The following XPO4 variants were observed in gnomAD, a reference collection of about 807,000 sequenced individuals.
XPO4 encodes exportin 4.
In XPO4, 39 loss-of-function variants were observed where a neutral mutation model predicts 143.0. The ratio of observed to expected loss-of-function variants is 0.27; its 90% confidence interval spans 0.21 to 0.36. The LOEUF is 0.36. Among genes scored for constraint, XPO4 ranks in the 10% least tolerant of loss-of-function variants. The pLI is 1.00. For missense variants in XPO4, 907 were observed against 1,348.0 expected (o/e 0.67, Z 5.12); for synonymous variants, 439 against 474.0 (o/e 0.93, Z 0.96).
intron 1 of XPO4, among the ~76,000 whole-genome samples, chr13:20,896,594 T>C (rs2060571928): frequency 1.3e-5 from 2 of 152,210 alleles, no homozygotes; most frequent in South Asian, 4.1e-4. Flanking sequence ...TGGTCATCTT[T>C]CCAAAGAACT....
chr13:20,870,177 C>CA (rs1478906834), intron 1 of XPO4, among the ~76,000 whole-genome samples: 2 of 151,516 alleles, frequency 1.3e-5, no homozygotes, highest in Non-Finnish European at 2.9e-5. Context: ...CCTGTAATTC[C>CA]AGCACTTTGG....
chr13:20,859,925 A>C, intron 3 of XPO4: 10 of 872,996 alleles, frequency 1.1e-5, no homozygotes, highest in South Asian at 5.3e-5. Flanking sequence ...AGTGGTTCTC[A>C]GGTTGGGGAA....
At chr13:20,849,471 T>C (rs1481588626) in intron 4 of XPO4, 1 of 984,276 alleles carries the variant, frequency 1.0e-6, no homozygotes, top group Non-Finnish European at 1.2e-6. Context: ...CAGATTAAAA[T>C]TTTAGCTTAA....
chr13:20,870,435 TA>T (rs35577937), intron 1 of XPO4, among the ~76,000 whole-genome samples: 1,939 of 147,064 alleles, frequency 0.013, 48 homozygotes, highest in African/African-American at 0.046. Context: ...CCATCTCAAT[TA>T]AAAAAAAAAA....
chr13:20,822,334 G>C (rs760013514), intron 7 of XPO4, 45 bp from the exon 8 acceptor site: 7 of 1,561,406 alleles, frequency 4.5e-6, no homozygotes, highest in Non-Finnish European at 1.7e-6. Context: ...TTCTTCCTTT[G>C]TAAGGGTCAC....
rs2059108145 is a variant in XPO4, at chr13:20,778,717, GTCT to G, written c.*5002_*5004del. The G allele has an allele frequency of 6.6e-6, 1 of 152,188 alleles. No individual in the cohort carries two copies. Among genetic ancestry groups the G allele is most frequent in the Non-Finnish European group, 1.5e-5 (1 of 68,028 alleles). 9.4% of individuals were successfully genotyped at this position (152,188 alleles called of 1,614,324 possible). A position where few individuals can be genotyped will look rare whatever the true frequency, so the allele number is the denominator to read the frequency against. ...AATCTTGATTTTTATCTGTACAGATGTCTTCATTTTTTTAAATTTAAAATTATT... is the reference window on the plus strand; with the variant it reads ...AATCTTGATTTTTATCTGTACAGATGTCATTTTTTTAAATTTAAAATTATT... On this transcript the variant is annotated 3_prime_UTR_variant, in exon 23 of 23. Coordinates refer to ENST00000255305, the MANE Select transcript of XPO4 (RefSeq NM_022459.5).
intron 2 of XPO4, 31 bp from the exon 3 acceptor site, chr13:20,862,889 C>T: frequency 6.2e-7 from 1 of 1,609,056 alleles, no homozygotes; most frequent in Non-Finnish European, 8.5e-7. Context: ...TTTATTTAAA[C>T]AATAATTCAT....
At chr13:20,824,441 G>C (rs2059758809) in intron 7 of XPO4, among the ~76,000 whole-genome samples, 1 of 151,950 alleles carries the variant, frequency 6.6e-6, no homozygotes, top group South Asian at 2.1e-4. Flanking sequence ...GCAATCAGAA[G>C]AAAGAATACC....
Position 20,779,662 on chromosome 13 carries a change from G to A in XPO4, c.*4060C>T, listed in dbSNP as rs934390927. The A allele has an allele frequency of 3.3e-5, 5 of 152,630 alleles. No homozygotes were observed. The highest frequency in any genetic ancestry group is 3.3e-4 in the Admixed American group (5 of 15,276). 9.5% of individuals were successfully genotyped at this position (152,630 alleles called of 1,614,324 possible). Reference sequence around the variant, plus strand: ...ACTTCAGCATTCTCGTCTTTACTAAGACTTACCCATAGAGAACTACAGCAG... The same window carrying A: ...ACTTCAGCATTCTCGTCTTTACTAAAACTTACCCATAGAGAACTACAGCAG... On this transcript the variant is annotated 3_prime_UTR_variant, in exon 23 of 23. Transcript: ENST00000255305.
intron 1 of XPO4, among the ~76,000 whole-genome samples, chr13:20,887,722 G>A (rs190304018): frequency 3.9e-5 from 6 of 152,126 alleles, no homozygotes; most frequent in Admixed American, 2.0e-4. Context: ...TTAGCCTGGC[G>A]TGGTGGTGCA....
intron 4 of XPO4, chr13:20,852,242 G>A (rs1195939189): frequency 3.0e-5 from 30 of 985,310 alleles, no homozygotes; most frequent in Admixed American, 6.1e-5. Context: ...GTCACAAGGA[G>A]CTGGACTCCT....
intron 1 of XPO4, among the ~76,000 whole-genome samples, chr13:20,891,144 A>G (rs1333884339): frequency 6.9e-6 from 1 of 145,210 alleles, no homozygotes; most frequent in African/African-American, 2.5e-5. Context: ...AAAAAAAAAA[A>G]AAAAAAGAAC....
chr13:20,861,072 G>A (rs1359621460), intron 3 of XPO4, among the ~76,000 whole-genome samples: 1 of 152,014 alleles, frequency 6.6e-6, no homozygotes, highest in East Asian at 1.9e-4. Flanking sequence ...AATTTTATGT[G>A]TATGTTTATT....
intron 3 of XPO4, 145 bp from the exon 4 acceptor site, chr13:20,855,910 G>T (rs765782201): frequency 3.7e-5 from 31 of 838,746 alleles, no homozygotes; most frequent in Non-Finnish European, 5.1e-5. Context: ...AGACTCCAAA[G>T]CCAGGAGGCC....
At chr13:20,797,087 A>G (rs753357961) in intron 16 of XPO4, 30 bp from the exon 17 acceptor site, 2 of 1,537,736 alleles carry the variant, frequency 1.3e-6, no homozygotes, top group South Asian at 2.6e-5. Context: ...ATTTTCTTAA[A>G]GCTCAGTTCT....
intron 6 of XPO4, among the ~76,000 whole-genome samples, chr13:20,832,828 G>T (rs1240905852): frequency 6.6e-6 from 1 of 151,948 alleles, no homozygotes; most frequent in African/African-American, 2.4e-5. Context: ...AGTAAAGGTT[G>T]GCTTTACTGG....
At chr13:20,789,921 G>A (rs1372557215) in intron 19 of XPO4, among the ~76,000 whole-genome samples, 7 of 151,172 alleles carry the variant, frequency 4.6e-5, no homozygotes, top group Non-Finnish European at 1.0e-4. Flanking sequence ...TTGCCTCACC[G>A]CCACCACACC....
chr13:20,853,462 C>T (rs1229566870), intron 4 of XPO4, among the ~76,000 whole-genome samples: 15 of 151,942 alleles, frequency 9.9e-5, no homozygotes, highest in Admixed American at 9.8e-4. Flanking sequence ...CTGAAGTGAG[C>T]TATGCACCAC....
chr13:20,870,056 C>T (rs542926074), intron 1 of XPO4, among the ~76,000 whole-genome samples: 19 of 139,716 alleles, frequency 1.4e-4, no homozygotes, highest in Middle Eastern at 4.2e-3. Context: ...GCTGATATGG[C>T]GCCACTGCAC....
Sources: allele counts gnomAD v4.1 joint callset (sites outside exome capture counted in the v4.1 genomes callset), GRCh38; gene constraint gnomAD v4.1.1; transcripts MANE v1.5; gene names NCBI Gene and HGNC (gene_info 2026-07-23, HGNC 2026-07-21).